The following PLCB1 variants were observed in gnomAD, a reference collection of about 807,000 sequenced individuals.
The protein encoded by PLCB1 is phospholipase C beta 1.
Under a neutral mutation model 161.8 loss-of-function variants are expected in PLCB1, and 46 were observed. The ratio of observed to expected loss-of-function variants is 0.28; its 90% confidence interval spans 0.22 to 0.36. The LOEUF (loss-of-function observed/expected upper bound fraction) is 0.36. PLCB1 is among the 10% of genes least tolerant of loss of function. The probability of loss-of-function intolerance (pLI) is 1.00; values close to 1 mark genes in which losing one functional copy is unlikely to be tolerated. For missense variants in PLCB1, 1,016 were observed against 1,472.5 expected (o/e 0.69, Z 5.07); for synonymous variants, 517 against 503.7 (o/e 1.03, Z -0.35).
intron 4 of PLCB1, among the ~76,000 whole-genome samples, chr20:8,635,455 G>A (rs1988733849): frequency 6.6e-6 from 1 of 152,162 alleles, no homozygotes; most frequent in African/African-American, 2.4e-5. Context: ...CAGATTGGTT[G>A]CTTAAGGCTT....
At chr20:8,647,792 T>C (rs1020464222) in intron 5 of PLCB1, 108 bp from the exon 6 acceptor site, 7 of 825,250 alleles carry the variant, frequency 8.5e-6, no homozygotes, top group African/African-American at 1.7e-5. Flanking sequence ...TTTGTGGAAA[T>C]TCAGCAAAAT....
intron 2 of PLCB1, among the ~76,000 whole-genome samples, chr20:8,337,415 A>G (rs1038204271): frequency 1.3e-5 from 2 of 152,192 alleles, no homozygotes; most frequent in Admixed American, 6.5e-5. Flanking sequence ...CCTTATATCA[A>G]AATGTGAGTT....
chr20:8,535,306 G>C (rs905201258), intron 3 of PLCB1, among the ~76,000 whole-genome samples: 4 of 149,672 alleles, frequency 2.7e-5, no homozygotes, highest in African/African-American at 9.8e-5. Flanking sequence ...ATTAGAATAT[G>C]CAATTATTAT....
At chr20:8,400,392 A>G (rs1324731768) in intron 3 of PLCB1, among the ~76,000 whole-genome samples, 2 of 152,214 alleles carry the variant, frequency 1.3e-5, no homozygotes, top group Non-Finnish European at 2.9e-5. Flanking sequence ...AATGAAAATT[A>G]AAATGTTATT....
At chr20:8,860,907 A>G (rs879720688) in intron 31 of PLCB1, among the ~76,000 whole-genome samples, 4 of 152,230 alleles carry the variant, frequency 2.6e-5, no homozygotes, top group Non-Finnish European at 4.4e-5. Context: ...GGTGGACACA[A>G]CTTTCTTAGA....
At chr20:8,491,109 G>A (rs1441584057) in intron 3 of PLCB1, among the ~76,000 whole-genome samples, 1 of 151,386 alleles carries the variant, frequency 6.6e-6, no homozygotes, top group Non-Finnish European at 1.5e-5. Context: ...TGGTGTTTGT[G>A]TCATATATAT....
chr20:8,609,558 T>C (rs1240024331), intron 3 of PLCB1, among the ~76,000 whole-genome samples: 1 of 152,198 alleles, frequency 6.6e-6, no homozygotes, highest in East Asian at 1.9e-4. Flanking sequence ...TTACCACCTA[T>C]TATTAGGCCA....
chr20:8,863,066 T>C (rs1987309158), intron 31 of PLCB1, among the ~76,000 whole-genome samples: 1 of 152,224 alleles, frequency 6.6e-6, no homozygotes, highest in South Asian at 2.1e-4. Flanking sequence ...AGCTGGAGTC[T>C]ATATACACCA....
intron 2 of PLCB1, among the ~76,000 whole-genome samples, chr20:8,333,769 C>T (rs1985457233): frequency 6.6e-6 from 1 of 152,170 alleles, no homozygotes; most frequent in Non-Finnish European, 1.5e-5. Flanking sequence ...TAGTTCAATT[C>T]AACTGGTAGA....
At chr20:8,746,799 A>G (rs1365842769) in intron 23 of PLCB1, among the ~76,000 whole-genome samples, 3 of 152,210 alleles carry the variant, frequency 2.0e-5, no homozygotes, top group Non-Finnish European at 4.4e-5. Flanking sequence ...AGTTAGGATG[A>G]AAACCCAGGC....
Position 8,320,798 on chromosome 20 carries a change from G to GAAGAAAGA in PLCB1, c.178-50572_178-50565dup, listed in dbSNP as rs143431395. Reference sequence around the variant, plus strand: ...CTTGTAATATTAGGACAGAAAGAAAGAAGAAAGAAAGAAAGAAAGGGAGGG... The same window carrying GAAGAAAGA: ...CTTGTAATATTAGGACAGAAAGAAAGAAGAAAGAAAGAAAGAAAGAAAGAAAGGGAGGG... On this transcript the variant is annotated intron_variant, in intron 2 of 31. Coordinates refer to ENST00000338037, the MANE Select transcript of PLCB1 (RefSeq NM_015192.4). 5.5e-3 allele frequency among the ~76,000 whole-genome samples: 693 copies of GAAGAAAGA among 125,528 alleles called. 3 individuals carry two copies. The highest frequency in any genetic ancestry group is 9.6e-3 in the Middle Eastern group (2 of 208). The allele number at this position is 125,528 out of a possible 152,430, so 82.4% of individuals were successfully genotyped here. A position where few individuals can be genotyped will look rare whatever the true frequency, so the allele number is the denominator to read the frequency against.
At chr20:8,239,984 C>T (rs879788277) in intron 2 of PLCB1, among the ~76,000 whole-genome samples, 72 of 152,056 alleles carry the variant, frequency 4.7e-4, no homozygotes, top group African/African-American at 1.4e-3. Flanking sequence ...GCTTATAAAT[C>T]AGTTATGGTT....
intron 23 of PLCB1, among the ~76,000 whole-genome samples, chr20:8,745,974 C>T (rs1981149168): frequency 6.6e-6 from 1 of 152,182 alleles, no homozygotes; most frequent in South Asian, 2.1e-4. Context: ...CTCTGTCGTC[C>T]AGGCTGGAGT....
rs148624352 is a variant in PLCB1 at position 8,418,394 on chromosome 20, T to C, written c.246+46944T>C. 3.5e-3 allele frequency among the ~76,000 whole-genome samples: 526 copies of C among 152,298 alleles called. 4 individuals are homozygous for C. The highest frequency in any genetic ancestry group is 0.012 in the African/African-American group (497 of 41,560). On this transcript the variant is annotated intron_variant, in intron 3 of 31. Transcript: ENST00000338037. ...ACCTCCACCATCACTCACTGGGCGA[T>C]GTGTTCTGTGCTTGAATATCTTCAG...
chr20:8,607,635 C>G (rs907098606), intron 3 of PLCB1, among the ~76,000 whole-genome samples: 101 of 152,262 alleles, frequency 6.6e-4, no homozygotes, highest in African/African-American at 2.4e-3. Flanking sequence ...CCAATCCACT[C>G]ATTATTTTAC....
chr20:8,672,176 TG>T (rs2123364207), intron 9 of PLCB1, among the ~76,000 whole-genome samples: 1 of 152,286 alleles, frequency 6.6e-6, no homozygotes, highest in East Asian at 1.9e-4. Flanking sequence ...ACCTTATCTT[TG>T]CTTGGGCACA....
At chr20:8,644,048 C>T (rs1201648456) in intron 4 of PLCB1, among the ~76,000 whole-genome samples, 7 of 152,224 alleles carry the variant, frequency 4.6e-5, no homozygotes, top group Non-Finnish European at 8.8e-5. Context: ...CTGCCAGCCT[C>T]GGCATCCTGA....
intron 3 of PLCB1, among the ~76,000 whole-genome samples, chr20:8,541,083 C>A (rs1985296459): frequency 6.6e-6 from 1 of 152,076 alleles, no homozygotes; most frequent in South Asian, 2.1e-4. Flanking sequence ...CTGTTCCTTC[C>A]ATTTTAAACA....
intron 3 of PLCB1, among the ~76,000 whole-genome samples, chr20:8,422,710 T>C (rs1568669960): frequency 1.3e-5 from 2 of 152,196 alleles, no homozygotes; most frequent in Non-Finnish European, 2.9e-5. Flanking sequence ...TATATGGAGA[T>C]ATTTTTATGG....
Sources: gnomAD v4.1 joint callset for allele counts (sites outside exome capture counted in the v4.1 genomes callset) on GRCh38, gnomAD v4.1.1 for gene constraint, MANE v1.5 for transcripts, NCBI Gene and HGNC (gene_info 2026-07-23, HGNC 2026-07-21) for gene names.